ITGA1: variants seen among roughly 807,000 people sequenced by gnomAD.
ITGA1 encodes integrin alpha-1.
A neutral mutation model predicts 145.9 loss-of-function variants in ITGA1; 85 were observed. The ratio of observed to expected loss-of-function variants is 0.58; its 90% CI spans 0.49 to 0.70. The LOEUF is 0.70. ITGA1 is among the 30% of genes least tolerant of loss of function. The pLI is 0.00. For missense variants in ITGA1, 1,351 were observed against 1,418.7 expected (o/e 0.95, Z 0.77); for synonymous variants, 520 against 495.3 (o/e 1.05, Z -0.66).
At chr5:52,950,265 C>T (rs1751198804) in intron 28 of ITGA1, among the ~76,000 whole-genome samples, 1 of 152,096 alleles carries the variant, frequency 6.6e-6, no homozygotes, top group African/African-American at 2.4e-5. Context: ...CATAATGATG[C>T]CTGAAGTTCC....
At chr5:52,897,373 A>AC in intron 9 of ITGA1, 82 bp from the exon 10 acceptor site, 1 of 912,310 alleles carries the variant, frequency 1.1e-6, no homozygotes, top group Non-Finnish European at 1.8e-6. Context: ...CACAAGCTCT[A>AC]CCAGGTATCT....
intron 11 of ITGA1, chr5:52,903,655 G>A (rs1484078595): frequency 6.6e-6 from 1 of 152,144 alleles, no homozygotes; most frequent in East Asian, 1.9e-4. Flanking sequence ...TTAGAAAAAT[G>A]ATCTTTTTCT....
At chr5:52,788,441 TCTC>T in intron 1 of ITGA1, 27 bp downstream of exon 1, 1 of 1,486,266 alleles carries the variant, frequency 6.7e-7, no homozygotes, top group Non-Finnish European at 8.9e-7. Flanking sequence ...TCTCTGAGCA[TCTC>T]CTGCTCGCGG....
At chr5:52,912,740 G>GTGTGTA (rs869303672) in intron 14 of ITGA1, among the ~76,000 whole-genome samples, 6 of 125,994 alleles carry the variant, frequency 4.8e-5, no homozygotes, top group African/African-American at 1.8e-4. Flanking sequence ...GTGTGTGTGT[G>GTGTGTA]TATATATATA....
Position 52,797,224 on chromosome 5 carries a change from C to T in ITGA1, c.61+8810C>T, listed in dbSNP as rs183041020. Among the ~76,000 whole-genome samples the T allele has an allele frequency of 3.3e-5, 5 of 151,868 alleles. No individual in the cohort carries two copies. In the East Asian group the frequency reaches 7.7e-4, roughly 24 times the overall value. ...ACTATTGCAGTTGTTTCACATACAA[C>T]AGTAATTCTATGAAAGATTTTATAG... On this transcript the variant is annotated intron_variant, in intron 1 of 28. Coordinates refer to ENST00000282588, the MANE Select transcript of ITGA1 (RefSeq NM_181501.2).
chr5:52,901,542 G>A (rs1750314038), intron 11 of ITGA1, among the ~76,000 whole-genome samples: 1 of 152,212 alleles, frequency 6.6e-6, no homozygotes, highest in Admixed American at 6.5e-5. Context: ...CCACAAAGAT[G>A]TGTATGATAT....
chr5:52,882,392 C>A (rs1304016718), intron 7 of ITGA1, among the ~76,000 whole-genome samples: 1 of 151,960 alleles, frequency 6.6e-6, no homozygotes, highest in Non-Finnish European at 1.5e-5. Flanking sequence ...AGGTCTACCT[C>A]TACTCAATAT....
At chr5:52,849,596 A>G (rs923367974) in intron 2 of ITGA1, 111 bp downstream of exon 2, 6 of 987,898 alleles carry the variant, frequency 6.1e-6, no homozygotes, top group East Asian at 2.6e-5. Context: ...TGAATTATTT[A>G]TGGTAGAAAA....
At chr5:52,828,819 G>A (rs1749009640) in intron 1 of ITGA1, among the ~76,000 whole-genome samples, 3 of 152,152 alleles carry the variant, frequency 2.0e-5, no homozygotes, top group African/African-American at 7.2e-5. Flanking sequence ...GCCTCTATGG[G>A]AGAATCATTC....
At chr5:52,872,575 A>ATTCTTTTTTTTTTTTTTTTTTTTTTTT (rs1749793823) in intron 6 of ITGA1, among the ~76,000 whole-genome samples, 1 of 98,372 alleles carries the variant, frequency 1.0e-5, no homozygotes, top group Non-Finnish European at 2.0e-5. Flanking sequence ...GCCTCAGTCA[A>ATTCTTTTTTTTTTTTTTTTTTTTTTTT]TTTTTTTTTT....
intron 14 of ITGA1, among the ~76,000 whole-genome samples, chr5:52,914,460 C>T (rs950634300): frequency 6.6e-6 from 1 of 152,070 alleles, no homozygotes; most frequent in Non-Finnish European, 1.5e-5. Context: ...AATGGTGAAA[C>T]CCCGTCTCTA....
At chr5:52,788,578 G>C (rs1005198911) in intron 1 of ITGA1, among the ~76,000 whole-genome samples, 164 bp downstream of exon 1, 1 of 152,186 alleles carries the variant, frequency 6.6e-6, no homozygotes, top group African/African-American at 2.4e-5. Context: ...CAGGAGTTTC[G>C]CGTTCTGGTT....
rs546667074 is a variant in ITGA1 at position 52,883,906 on chromosome 5, A to C, written c.773+1885A>C. ...TCAATGTCTAATCTTCCAATATTAC[A>C]TAAAGCCAGCCCTGAGTTTAGAACA... On this transcript the variant is annotated intron_variant, in intron 7 of 28. Coordinates refer to ENST00000282588, the MANE Select transcript of ITGA1 (RefSeq NM_181501.2). Among the ~76,000 whole-genome samples, 157 of 152,324 alleles carry C rather than the reference A, an allele frequency of 1.0e-3. 2 individuals are homozygous for C. The highest frequency in any genetic ancestry group is 3.4e-3 in the Middle Eastern group (1 of 294).
At chr5:52,894,195 T>A (rs938849008) in intron 9 of ITGA1, among the ~76,000 whole-genome samples, 1 of 151,924 alleles carries the variant, frequency 6.6e-6, no homozygotes, top group East Asian at 1.9e-4. Context: ...CTGGTTTGGG[T>A]TTTTTTTGTT....
intron 1 of ITGA1, among the ~76,000 whole-genome samples, chr5:52,795,832 T>C (rs1035920296): frequency 2.6e-5 from 4 of 151,966 alleles, no homozygotes; most frequent in Non-Finnish European, 5.9e-5. Flanking sequence ...AATAATCTTA[T>C]TTATCATTTA....
At chr5:52,866,333 C>G (rs186323670) in intron 6 of ITGA1, among the ~76,000 whole-genome samples, 53 of 152,246 alleles carry the variant, frequency 3.5e-4, no homozygotes, top group Non-Finnish European at 2.9e-5. Flanking sequence ...GTGTTATTTT[C>G]TAAACAGAAA....
chr5:52,887,590 G>T (rs1164543231), intron 7 of ITGA1, among the ~76,000 whole-genome samples: 1 of 152,154 alleles, frequency 6.6e-6, no homozygotes, highest in Non-Finnish European at 1.5e-5. Context: ...TATATAGGAT[G>T]TGTGGTGATT....
Position 52,933,700 on chromosome 5 carries a change from G to T in ITGA1, c.2862-194G>T, listed in dbSNP as rs189663025. 5 of 313,130 alleles carry T rather than the reference G, an allele frequency of 1.6e-5. No individual in the cohort carries two copies. The East Asian group carries it at 2.1e-4, about 13-fold the overall frequency. The allele number at this position is 313,130 out of a possible 1,614,324, so 19.4% of individuals were successfully genotyped here. ...GGTCAAATAAGCATCAGTGACTATT[G>T]AACTAAATTACATAATCCTTCTCAC... On this transcript the variant is annotated intron_variant, in intron 22 of 28. Coordinates refer to ENST00000282588, the MANE Select transcript of ITGA1 (RefSeq NM_181501.2).
At chr5:52,814,689 A>C (rs1298209786) in intron 1 of ITGA1, among the ~76,000 whole-genome samples, 2 of 152,266 alleles carry the variant, frequency 1.3e-5, no homozygotes, top group Middle Eastern at 3.4e-3. Context: ...TCTGCCCAAC[A>C]ATCAGAGAGA....
Sources: allele counts gnomAD v4.1 joint callset (sites outside exome capture counted in the v4.1 genomes callset), GRCh38; gene constraint gnomAD v4.1.1; transcripts MANE v1.5; gene names NCBI Gene and HGNC (gene_info 2026-07-23, HGNC 2026-07-21).